SNAP91: variants seen among roughly 807,000 people sequenced by gnomAD.
The protein encoded by SNAP91 is clathrin coat assembly protein AP180.
In SNAP91, 27 loss-of-function variants were observed where a neutral mutation model predicts 100.3. That is an observed-to-expected ratio of 0.27 (90% confidence interval 0.20 to 0.37). The LOEUF is 0.37. Ranked by LOEUF, SNAP91 falls within the 10% of genes least tolerant of loss-of-function variation. The pLI, the probability that SNAP91 is intolerant of heterozygous loss-of-function variation, is 1.00. For synonymous variants in SNAP91, 404 were observed against 398.6 expected (o/e 1.01, Z -0.16); for missense variants, 986 against 1,123.7 (o/e 0.88, Z 1.75).
chr6:83,707,857 C>T lies in SNAP91; in HGVS notation c.71G>A (p.Arg24Lys). 1.2e-6 allele frequency: 2 copies of T among 1,613,008 alleles called. No homozygotes were observed. Among genetic ancestry groups the T allele is most frequent in the South Asian group, 1.1e-5 (1 of 90,850 alleles). The change falls in exon 2 of 30, where the codon AGA (arginine) becomes AAA (lysine). Residue 24 changes from arginine to lysine, a missense_variant. Around this residue, in one of 4 missense-constraint regions of SNAP91, gnomAD observed 330 missense variants for 447.5 expected, o/e 0.74. Coordinates refer to ENST00000369694, the MANE Select transcript of SNAP91 (RefSeq NM_001242792.2). ...QYSVTGSAVA[R>K]AVCKATTHEV... Reference sequence around the variant, plus strand: ...ATGAGTAGTGGCTTTGCAGACCGCTCTTGCTACAGCAGAGCCTGTAACGCT... The same window carrying T: ...ATGAGTAGTGGCTTTGCAGACCGCTTTTGCTACAGCAGAGCCTGTAACGCT...
At chr6:83,676,388 G>A (rs578074864) in intron 2 of SNAP91, among the ~76,000 whole-genome samples, 26 of 152,146 alleles carry the variant, frequency 1.7e-4, no homozygotes, top group Non-Finnish European at 1.5e-4. Flanking sequence ...CAGATAGGGT[G>A]ATCAGAAAAG....
chr6:83,560,029 T>G, intron 28 of SNAP91, 75 bp downstream of exon 28: 1 of 1,291,356 alleles, frequency 7.7e-7, no homozygotes, highest in Non-Finnish European at 1.1e-6. Context: ...AAAACACTTT[T>G]TAAACAGTTT....
At chr6:83,682,557 C>A (rs2099004500) in intron 2 of SNAP91, among the ~76,000 whole-genome samples, 1 of 151,736 alleles carries the variant, frequency 6.6e-6, no homozygotes, top group Admixed American at 6.6e-5. Context: ...ACTGTATCTT[C>A]TAAGTATATA....
chr6:83,618,698 A>G (rs1562370043), intron 9 of SNAP91, among the ~76,000 whole-genome samples: 1 of 151,982 alleles, frequency 6.6e-6, no homozygotes, highest in Non-Finnish European at 1.5e-5. Flanking sequence ...TGATGATGAT[A>G]ATGATGATGA....
At chr6:83,565,797 AT>A (rs1356259845) in intron 26 of SNAP91, among the ~76,000 whole-genome samples, 1 of 152,174 alleles carries the variant, frequency 6.6e-6, no homozygotes, top group Non-Finnish European at 1.5e-5. Flanking sequence ...ATAATAAATA[AT>A]GAAATGAAAA....
intron 3 of SNAP91, among the ~76,000 whole-genome samples, chr6:83,664,611 G>C (rs995745755): frequency 6.6e-6 from 1 of 152,148 alleles, no homozygotes; most frequent in African/African-American, 2.4e-5. Flanking sequence ...ATGAGGAGTT[G>C]CTTCTTATGG....
chr6:83,696,552 C>T (rs2099214428), intron 2 of SNAP91, among the ~76,000 whole-genome samples: 1 of 152,138 alleles, frequency 6.6e-6, no homozygotes, highest in African/African-American at 2.4e-5. Context: ...TAAATTCATT[C>T]GTCCAGCAAC....
intron 8 of SNAP91, among the ~76,000 whole-genome samples, chr6:83,626,478 TC>T (rs1462318585): frequency 6.6e-6 from 1 of 152,160 alleles, no homozygotes; most frequent in Non-Finnish European, 1.5e-5. Context: ...TATTTATTCT[TC>T]CAATCCATGA....
intron 26 of SNAP91, among the ~76,000 whole-genome samples, chr6:83,569,634 G>A (rs778371588): frequency 2.3e-4 from 35 of 152,164 alleles, no homozygotes; most frequent in Non-Finnish European, 4.0e-4. Flanking sequence ...GGATGATATG[G>A]TTTGGCTGTC....
At chr6:83,636,083 T>G (rs774742678) in intron 8 of SNAP91, among the ~76,000 whole-genome samples, 2 of 152,212 alleles carry the variant, frequency 1.3e-5, no homozygotes, top group African/African-American at 4.8e-5. Flanking sequence ...GTTCCTTTTC[T>G]CTAGCTGCCA....
intron 7 of SNAP91, among the ~76,000 whole-genome samples, chr6:83,656,251 A>C (rs1383559982): frequency 6.6e-6 from 1 of 152,206 alleles, no homozygotes; most frequent in South Asian, 2.1e-4. Context: ...TTGAATAAAA[A>C]CCAAAGGGCA....
intron 28 of SNAP91, among the ~76,000 whole-genome samples, chr6:83,557,033 T>C (rs1263690548): frequency 1.3e-5 from 2 of 152,208 alleles, no homozygotes; most frequent in Non-Finnish European, 2.9e-5. Flanking sequence ...ATTGGACTTG[T>C]TGCAAAAGTA....
chr6:83,572,650 C>T lies in SNAP91; in HGVS notation c.2442+2360G>A, dbSNP rs563587705. ...TACCCCTAACTCACTTTAGACTGTG[C>T]TACTACCAGTGATTGTTCTGAAACT... On this transcript the variant is annotated intron_variant, in intron 26 of 29. Coordinates refer to ENST00000369694, the MANE Select transcript of SNAP91 (RefSeq NM_001242792.2). Among the ~76,000 whole-genome samples the T allele has an allele frequency of 7.2e-5, 11 of 152,240 alleles. 1 individual carries two copies. In the South Asian group the frequency reaches 2.3e-3, roughly 32 times the overall value.
At chr6:83,659,585 C>T (rs191003456) in intron 5 of SNAP91, among the ~76,000 whole-genome samples, 8 of 151,834 alleles carry the variant, frequency 5.3e-5, no homozygotes, top group Admixed American at 2.6e-4. Context: ...CCACCACACC[C>T]GGTTAATTTT....
At chr6:83,614,916 T>C (rs2096390406) in intron 10 of SNAP91, 54 bp from the exon 11 acceptor site, 39 of 1,442,932 alleles carry the variant, frequency 2.7e-5, no homozygotes, top group South Asian at 5.1e-5. Context: ...TTAACTATTA[T>C]AGTTCATTTA....
chr6:83,573,524 A>T (rs1332929473), intron 26 of SNAP91, among the ~76,000 whole-genome samples: 1 of 152,184 alleles, frequency 6.6e-6, no homozygotes, highest in Non-Finnish European at 1.5e-5. Flanking sequence ...ACAAAGCTGG[A>T]GGCATCACAC....
At chr6:83,573,162 C>A (rs1215640287) in intron 26 of SNAP91, among the ~76,000 whole-genome samples, 1 of 152,140 alleles carries the variant, frequency 6.6e-6, no homozygotes, top group Non-Finnish European at 1.5e-5. Context: ...CAATAACAGA[C>A]AAACAGAGAG....
rs562790786 is a variant in SNAP91 at position 83,594,615 on chromosome 6, C to A, written c.1325-134G>T. ...TTTTTAAAAATGCATTTTTATGGCCCATGCGCTGTCGGTGGTCACAAAACA... is the reference window on the plus strand; with the variant it reads ...TTTTTAAAAATGCATTTTTATGGCCAATGCGCTGTCGGTGGTCACAAAACA... On this transcript the variant is annotated intron_variant, in intron 16 of 29. Coordinates refer to ENST00000369694, the MANE Select transcript of SNAP91 (RefSeq NM_001242792.2). 6.0e-4 allele frequency: 338 copies of A among 567,408 alleles called. 3 individuals are homozygous for A. The highest frequency in any genetic ancestry group is 9.1e-4 in the South Asian group (38 of 41,590). The allele number at this position is 567,408 out of a possible 1,614,324, so 35.1% of individuals were successfully genotyped here.
intron 2 of SNAP91, among the ~76,000 whole-genome samples, chr6:83,667,738 T>C (rs2098712935): frequency 6.6e-6 from 1 of 152,070 alleles, no homozygotes; most frequent in South Asian, 2.1e-4. Flanking sequence ...CTGCACCCAT[T>C]AACTCGTCAT....
Sources: gnomAD v4.1 joint callset for allele counts (sites outside exome capture counted in the v4.1 genomes callset) on GRCh38, gnomAD v4.1.1 for gene constraint, gnomAD v4.1.1 regional missense constraint, MANE v1.5 for transcripts, NCBI Gene and HGNC (gene_info 2026-07-23, HGNC 2026-07-21) for gene names.